TMEM132B: variants seen among roughly 807,000 people sequenced by gnomAD.
TMEM132B encodes transmembrane protein 132B.
A neutral mutation model predicts 90.8 loss-of-function variants in TMEM132B; 18 were observed. That is an observed-to-expected ratio of 0.20 (90% CI 0.14 to 0.29). The LOEUF is 0.29. Ranked by LOEUF, TMEM132B falls within the 10% of genes least tolerant of loss-of-function variation. The pLI, the probability that TMEM132B is intolerant of heterozygous loss-of-function variation, is 1.00. For synonymous variants in TMEM132B, 504 were observed against 523.3 expected (o/e 0.96, Z 0.50); for missense variants, 1,096 against 1,326.8 (o/e 0.83, Z 2.70).
chr12:125,563,230 G>GC (rs1415979844), intron 4 of TMEM132B, among the ~76,000 whole-genome samples: 1 of 151,676 alleles, frequency 6.6e-6, no homozygotes, highest in Non-Finnish European at 1.5e-5. Context: ...ATGTGACAGA[G>GC]ACTTAAGTGA....
At chr12:125,604,718 G>A (rs76798337) in intron 5 of TMEM132B, among the ~76,000 whole-genome samples, 1,652 of 152,312 alleles carry the variant, frequency 0.011, 31 homozygotes, top group African/African-American at 0.037. Context: ...ATATTCTCCT[G>A]TAGAGGATTT....
chr12:125,560,831 CAAAAAA>C (rs58083131), intron 4 of TMEM132B, among the ~76,000 whole-genome samples: 19 of 29,254 alleles, frequency 6.5e-4, no homozygotes, highest in African/African-American at 3.0e-3. Context: ...GACTCTGTCT[CAAAAAA>C]AAAAAAAAAA....
rs182572405 is a variant in TMEM132B, at chr12:125,290,255, C to T, written c.68-59197C>T. Among the ~76,000 whole-genome samples, 473 of 152,328 alleles carry T rather than the reference C, an allele frequency of 3.1e-3. 2 individuals are homozygous for T. The highest frequency in any genetic ancestry group is 4.9e-3 in the Non-Finnish European group (334 of 68,032). On this transcript the variant is annotated intron_variant, in intron 1 of 8. Transcript: ENST00000682704. ...GGCAATTCTAGAGCTTCACTTTCAA[C>T]TTTCTGCTCTTATTGATTTATGAAA...
At chr12:125,514,961 G>A (rs1308618103) in intron 3 of TMEM132B, among the ~76,000 whole-genome samples, 1 of 152,174 alleles carries the variant, frequency 6.6e-6, no homozygotes, top group African/African-American at 2.4e-5. Flanking sequence ...CTCCTCAGGG[G>A]TCCCAGGGCT....
Position 125,374,245 on chromosome 12 carries a change from G to A in TMEM132B, c.959+23902G>A, listed in dbSNP as rs80095009. On this transcript the variant is annotated intron_variant, in intron 2 of 8. Transcript: ENST00000682704. Reference sequence around the variant, plus strand: ...ATTGAAGCTATGAAGAACACTGTTAGTGCAAAAGGAAGGGTTATTACCAAG... The same window carrying A: ...ATTGAAGCTATGAAGAACACTGTTAATGCAAAAGGAAGGGTTATTACCAAG... Among the ~76,000 whole-genome samples, 1,012 of 152,304 alleles carry A rather than the reference G, an allele frequency of 6.6e-3. 10 individuals carry two copies. Among genetic ancestry groups the A allele is most frequent in the Non-Finnish European group, 0.011 (738 of 68,028 alleles).
intron 2 of TMEM132B, among the ~76,000 whole-genome samples, chr12:125,389,913 C>T (rs1029472760): frequency 1.3e-5 from 2 of 152,166 alleles, no homozygotes; most frequent in East Asian, 1.9e-4. Flanking sequence ...TACCCACAGA[C>T]AGTAAATGCA....
chr12:125,243,505 C>T (rs1159222864), intron 1 of TMEM132B, among the ~76,000 whole-genome samples: 3 of 152,044 alleles, frequency 2.0e-5, no homozygotes, highest in African/African-American at 7.3e-5. Flanking sequence ...GGGGTTTGAC[C>T]ATGTTGGCCA....
At chr12:125,322,312 C>T (rs191531562) in intron 1 of TMEM132B, among the ~76,000 whole-genome samples, 40 of 152,326 alleles carry the variant, frequency 2.6e-4, no homozygotes, top group East Asian at 5.8e-4. Context: ...CTTCACCTTC[C>T]GCCATGATTG....
At chr12:125,317,272 C>T (rs548360635) in intron 1 of TMEM132B, among the ~76,000 whole-genome samples, 3 of 152,168 alleles carry the variant, frequency 2.0e-5, no homozygotes, top group African/African-American at 7.2e-5. Flanking sequence ...AAGCACCTGG[C>T]CTGGAGTGCG....
chr12:125,525,526 A>G (rs1883428592), intron 4 of TMEM132B, among the ~76,000 whole-genome samples: 1 of 152,256 alleles, frequency 6.6e-6, no homozygotes, highest in Non-Finnish European at 1.5e-5. Flanking sequence ...GGAAGCAAAG[A>G]GACCAGATCT....
chr12:125,551,249 A>T (rs982166721), intron 4 of TMEM132B, among the ~76,000 whole-genome samples: 8 of 152,228 alleles, frequency 5.3e-5, no homozygotes, highest in African/African-American at 1.9e-4. Flanking sequence ...TAGGAGCCTT[A>T]ACTTCATTTT....
At chr12:125,291,225 G>A (rs1307733119) in intron 1 of TMEM132B, among the ~76,000 whole-genome samples, 1 of 152,148 alleles carries the variant, frequency 6.6e-6, no homozygotes, top group African/African-American at 2.4e-5. Context: ...CCAGAAGAAG[G>A]CCCTCACCAG....
At chr12:125,620,564 A>G (rs889150532) in intron 5 of TMEM132B, among the ~76,000 whole-genome samples, 2 of 152,240 alleles carry the variant, frequency 1.3e-5, no homozygotes, top group Non-Finnish European at 2.9e-5. Context: ...ATCTGAAGAC[A>G]TGACAAAAGC....
At chr12:125,228,689 C>T (rs745704816) in intron 1 of TMEM132B, among the ~76,000 whole-genome samples, 3 of 152,244 alleles carry the variant, frequency 2.0e-5, no homozygotes, top group South Asian at 2.1e-4. Flanking sequence ...CTGCAGCAGA[C>T]GTCACTGGTG....
intron 2 of TMEM132B, among the ~76,000 whole-genome samples, chr12:125,367,021 A>C (rs1358403070): frequency 6.6e-6 from 1 of 151,846 alleles, no homozygotes; most frequent in Non-Finnish European, 1.5e-5. Flanking sequence ...TTGTTCTTTT[A>C]TTGTCATTTT....
intron 6 of TMEM132B, among the ~76,000 whole-genome samples, chr12:125,644,603 C>G (rs1355509154): frequency 6.6e-6 from 1 of 152,128 alleles, no homozygotes; most frequent in Non-Finnish European, 1.5e-5. Flanking sequence ...CTATTCCTTA[C>G]TCACTTCTTT....
Position 125,660,547 on chromosome 12 carries a change from A to T in TMEM132B, c.*5837A>T, listed in dbSNP as rs1887185818. On this transcript the variant is annotated 3_prime_UTR_variant, in exon 9 of 9. Transcript: ENST00000682704. The stretch of plus-strand genomic sequence containing the variant: ...TTGTTGTTTGCTTTTAGAAATTTTT[A>T]AAAATACAAAAAAAAAGCGCAGAAA... 6.7e-6 allele frequency: 1 copy of T among 148,812 alleles called. No individual in the cohort carries two copies. The highest frequency in any genetic ancestry group is 1.5e-5 in the Non-Finnish European group (1 of 67,730). 9.2% of individuals were successfully genotyped at this position (148,812 alleles called of 1,614,324 possible). A position where few individuals can be genotyped will look rare whatever the true frequency, so the allele number is the denominator to read the frequency against.
intron 4 of TMEM132B, among the ~76,000 whole-genome samples, chr12:125,563,391 G>A (rs555070055): frequency 6.6e-6 from 1 of 151,882 alleles, no homozygotes; most frequent in African/African-American, 2.4e-5. Context: ...GGCGGATCAC[G>A]AGGTCAAGAG....
At chr12:125,301,323 T>C (rs969753767) in intron 1 of TMEM132B, 1 of 152,198 alleles carries the variant, frequency 6.6e-6, no homozygotes, top group East Asian at 1.9e-4. Context: ...TTTGCTAAAG[T>C]GGCGGGGTCT....
Sources: gnomAD v4.1 joint callset for allele counts (sites outside exome capture counted in the v4.1 genomes callset) on GRCh38, gnomAD v4.1.1 for gene constraint, MANE v1.5 for transcripts, NCBI Gene and HGNC (gene_info 2026-07-23, HGNC 2026-07-21) for gene names.